The following AMZ1 variants were observed in gnomAD, a reference collection of about 807,000 sequenced individuals.
The protein encoded by AMZ1 is archaemetzincin-1.
AMZ1 carries 39 observed loss-of-function variants against 29.9 expected under a neutral mutation model. The ratio of observed to expected loss-of-function variants is 1.30; its 90% confidence interval spans 1.01 to 1.70. The LOEUF is 1.70. AMZ1 is among the 40% of genes most tolerant of loss of function. The pLI is 0.00. For missense variants in AMZ1, 1,041 were observed against 680.6 expected (o/e 1.53, Z -5.89); for synonymous variants, 458 against 304.0 (o/e 1.51, Z -5.27).
At chr7:2,689,214 C>T (rs111768581) in intron 1 of AMZ1, among the ~76,000 whole-genome samples, 1,776 of 152,344 alleles carry the variant, frequency 0.012, 27 homozygotes, top group African/African-American at 0.041. Flanking sequence ...TAGCGAGAAT[C>T]AGAGCATGGT....
chr7:2,733,826 C>T (rs1376203908), intron 4 of AMZ1, among the ~76,000 whole-genome samples: 1 of 152,222 alleles, frequency 6.6e-6, no homozygotes, highest in Non-Finnish European at 1.5e-5. Context: ...CTGGCCCACT[C>T]CTGGCCATGC....
In AMZ1 at chr7:2,709,162, C is replaced by T. The variant is rs768491440; in HGVS notation, c.689C>T (p.Ala230Val). Residue 230 changes from alanine (A) to valine (V), a missense_variant, in exon 5 of 7, where the codon GCA (alanine) becomes GTA (valine). Ala to Val is a moderately conservative substitution (Grantham distance 64). Transcript: ENST00000683327. The stretch of plus-strand genomic sequence containing the variant: ...CCTGATCTGGCCCTGGTAGAGGCAG[C>T]AGCAGACGGCCCCGAGGCCCCCCTG... ...SAPDLALVEA[A>V]ADGPEAPLQD... 171 of 1,565,286 alleles carry T rather than the reference C, an allele frequency of 1.1e-4. No individual in the cohort carries two copies. The highest frequency in any genetic ancestry group is 8.6e-4 in the Middle Eastern group (5 of 5,812).
intron 4 of AMZ1, among the ~76,000 whole-genome samples, chr7:2,734,727 G>C (rs1249893804): frequency 6.6e-6 from 1 of 152,208 alleles, no homozygotes; most frequent in Non-Finnish European, 1.5e-5. Flanking sequence ...TGAGTGTTTT[G>C]TTTGAGGGGA....
intron 4 of AMZ1, among the ~76,000 whole-genome samples, chr7:2,756,254 A>T (rs915971769): frequency 9.9e-5 from 15 of 152,184 alleles, no homozygotes; most frequent in Non-Finnish European, 1.8e-4. Flanking sequence ...CACATAACTT[A>T]AAAAAAACTC....
downstream of AMZ1, among the ~76,000 whole-genome samples, chr7:2,720,248 G>C (rs1789361398): frequency 6.6e-6 from 1 of 152,216 alleles, no homozygotes; most frequent in African/African-American, 2.4e-5. Flanking sequence ...CTTAGTCACT[G>C]CTGGAGGCTT....
intron 4 of AMZ1, among the ~76,000 whole-genome samples, chr7:2,735,184 C>G (rs1583208604): frequency 6.6e-6 from 1 of 152,356 alleles, no homozygotes; most frequent in East Asian, 1.9e-4. Flanking sequence ...CCTGCCCTCC[C>G]CTGGGCCTCG....
chr7:2,723,219 C>A (rs758581968), downstream of AMZ1, among the ~76,000 whole-genome samples: 5 of 152,268 alleles, frequency 3.3e-5, no homozygotes, highest in South Asian at 1.0e-3. Context: ...TGTGTGGGGG[C>A]CCTGCTGCAG....
chr7:2,689,822 A>T (rs1270499472), intron 1 of AMZ1, among the ~76,000 whole-genome samples: 1 of 152,184 alleles, frequency 6.6e-6, no homozygotes, highest in Admixed American at 6.5e-5. Context: ...TTTTTGGAGC[A>T]TGGATGGGTT....
At chr7:2,699,234 G>A (rs1447676131) in intron 1 of AMZ1, among the ~76,000 whole-genome samples, 1 of 152,200 alleles carries the variant, frequency 6.6e-6, no homozygotes, top group Non-Finnish European at 1.5e-5. Flanking sequence ...AACCAAGTGT[G>A]CGGTGACGAC....
chr7:2,706,050 C>G (rs1286375874), intron 3 of AMZ1, among the ~76,000 whole-genome samples: 1 of 152,226 alleles, frequency 6.6e-6, no homozygotes, highest in African/African-American at 2.4e-5. Flanking sequence ...GCTGTTTTCC[C>G]CAGCCCCACA....
chr7:2,709,188 C>T lies in AMZ1; in HGVS notation c.715C>T (p.Gln239Ter), dbSNP rs1470394254. ...AGCAGACGGCCCCGAGGCCCCCCTG[C>T]AGGACAGGGGCTGGGCCCTGTGCTT... ...AAADGPEAPL[Q>*]DRGWALCFSA... is the part of the protein sequence containing the mutation. Residue 239 changes from glutamine to a stop codon, truncating the protein, a stop_gained, in exon 5 of 7, where the codon CAG becomes TAG. Transcript: ENST00000683327. LOFTEE classifies it high-confidence loss of function. 2 of 1,537,598 alleles carry T rather than the reference C, an allele frequency of 1.3e-6. No individual in the cohort carries two copies. The highest frequency in any genetic ancestry group is 1.7e-6 in the Non-Finnish European group (2 of 1,144,190).
chr7:2,756,718 C>T (rs773839173), intron 4 of AMZ1, among the ~76,000 whole-genome samples: 2 of 152,212 alleles, frequency 1.3e-5, no homozygotes, highest in South Asian at 4.2e-4. Context: ...ACAGACGCCC[C>T]TGTCTTTCCC....
At chr7:2,763,089 G>C (rs1791645526), upstream of AMZ1, 2 of 1,250,270 alleles carry the variant, frequency 1.6e-6, no homozygotes, top group Non-Finnish European at 2.0e-6. Context: ...CCTTGAGTGA[G>C]AGACCACAAG....
upstream of AMZ1, among the ~76,000 whole-genome samples, chr7:2,685,418 C>T (rs929775935): frequency 5.9e-5 from 9 of 151,574 alleles, no homozygotes; most frequent in Non-Finnish European, 1.3e-4. Context: ...ATTAGCCGGG[C>T]GAGGTGACGG....
intron 4 of AMZ1, among the ~76,000 whole-genome samples, chr7:2,756,455 AT>A (rs1416898324): frequency 6.6e-6 from 1 of 152,118 alleles, no homozygotes; most frequent in Admixed American, 6.5e-5. Flanking sequence ...TCTGCAAAAA[AT>A]TTTTAAAAAT....
rs67434697 is a variant in AMZ1 at position 2,751,399 on chromosome 7, GA to G, written n.551-13299del. ...GAGCAAGACCGTTTCAAAGAAAAAA[GA>G]AAAAAAAAAAAAACAGCTTATAGAA... On this transcript the variant is annotated intron_variant and non_coding_transcript_variant, in intron 4 of 4. Transcript: ENST00000489665. 8.0e-3 allele frequency among the ~76,000 whole-genome samples: 805 copies of G among 101,212 alleles called. 5 individuals are homozygous for G. The highest frequency in any genetic ancestry group is 0.011 in the Middle Eastern group (2 of 174). 66.4% of individuals were successfully genotyped at this position (101,212 alleles called of 152,430 possible).
At chr7:2,681,422 A>AT (rs1000786236) in intron 1 of AMZ1, among the ~76,000 whole-genome samples, 6 of 151,320 alleles carry the variant, frequency 4.0e-5, no homozygotes, top group South Asian at 2.1e-4. Flanking sequence ...CGCCCGGCTA[A>AT]TTTTTTTTTA....
chr7:2,757,802 C>T (rs988450361), intron 4 of AMZ1, among the ~76,000 whole-genome samples: 4 of 152,174 alleles, frequency 2.6e-5, no homozygotes, highest in Admixed American at 6.5e-5. Flanking sequence ...GCACTTAGTA[C>T]GTACTGAACG....
upstream of AMZ1, among the ~76,000 whole-genome samples, chr7:2,761,875 C>A: frequency 6.6e-6 from 1 of 152,190 alleles, no homozygotes; most frequent in South Asian, 2.1e-4. Flanking sequence ...ACGTAAAATT[C>A]GGCTTCCAGC....
Sources: gnomAD v4.1 joint callset for allele counts (sites outside exome capture counted in the v4.1 genomes callset) on GRCh38, gnomAD v4.1.1 for gene constraint, MANE v1.5 for transcripts, NCBI Gene and HGNC (gene_info 2026-07-23, HGNC 2026-07-21) for gene names.